The following XYLT1 variants were observed in gnomAD, a reference collection of about 807,000 sequenced individuals.
XYLT1 encodes the protein xylosyltransferase 1, also known as beta-D-xylosyltransferase 1.
Under a neutral mutation model 91.3 loss-of-function variants are expected in XYLT1, and 36 were observed. That is an observed-to-expected ratio of 0.39 (90% CI 0.30 to 0.52). The LOEUF is 0.52. Among genes scored for constraint, XYLT1 ranks in the 20% least tolerant of loss-of-function variants. The probability of loss-of-function intolerance (pLI) is 0.68; values close to 1 mark genes in which losing one functional copy is unlikely to be tolerated. For synonymous variants in XYLT1, 588 were observed against 532.0 expected (o/e 1.11, Z -1.45); for missense variants, 1,242 against 1,284.5 (o/e 0.97, Z 0.51).
chr16:17,187,791 T>TA lies in XYLT1; in HGVS notation c.1289+10420dup, dbSNP rs903427689. Among the ~76,000 whole-genome samples, 37 of 150,914 alleles carry TA rather than the reference T, an allele frequency of 2.5e-4. No individual in the cohort carries two copies. In the South Asian group the frequency reaches 4.6e-3, roughly 19 times the overall value. ...TCATTCTCACCATATTTTATCACTT[T>TA]AAAAAAAAAGAACAAAAGACAAAGA... On this transcript the variant is annotated intron_variant, in intron 5 of 11. Transcript: ENST00000261381.
chr16:17,425,090 C>T (rs62030325), intron 1 of XYLT1, among the ~76,000 whole-genome samples: 8,218 of 152,222 alleles, frequency 0.054, 298 homozygotes, highest in Middle Eastern at 0.12. Context: ...TCCCTGCAGT[C>T]TTGGGGACGG....
In XYLT1 at chr16:17,198,338, A is replaced by G. The variant is rs376062067; in HGVS notation, c.1163T>C (p.Met388Thr). The G allele has an allele frequency of 1.5e-5, 24 of 1,614,094 alleles. No individual in the cohort carries two copies. The highest frequency in any genetic ancestry group is 1.9e-5 in the Non-Finnish European group (23 of 1,180,030). ...YSNVRVTPWR[M>T]ATIWGGASLL... ...GCTGGCTCCTCCCCAGATGGTGGCC[A>G]TTCTCCAGGGGGTGACGCGGACATT... The change falls in exon 5 of 12, where the codon ATG becomes ACG. Residue 388 changes from methionine to threonine, a missense_variant. By Grantham distance (81) the Met-to-Thr change is moderately conservative. This residue lies in a region of XYLT1 where 294 missense variants were observed against 376.0 expected (regional missense o/e 0.78). Transcript: ENST00000261381.
chr16:17,371,886 G>A (rs873792), intron 1 of XYLT1, among the ~76,000 whole-genome samples: 32,538 of 152,198 alleles, frequency 0.21, 5,075 homozygotes, highest in African/African-American at 0.44. Flanking sequence ...ACATATGTGA[G>A]CATCCACATG....
chr16:17,437,930 C>T (rs1364046250), intron 1 of XYLT1, among the ~76,000 whole-genome samples: 1 of 152,164 alleles, frequency 6.6e-6, no homozygotes, highest in Non-Finnish European at 1.5e-5. Flanking sequence ...ATCATACATA[C>T]TTACCAACAG....
chr16:17,114,681 T>C (rs1236030101), intron 11 of XYLT1, among the ~76,000 whole-genome samples: 1 of 152,180 alleles, frequency 6.6e-6, no homozygotes, highest in East Asian at 1.9e-4. Flanking sequence ...TCCAGAACTC[T>C]TCAAAGCTAA....
chr16:17,367,184 G>T (rs1376483974), intron 1 of XYLT1, among the ~76,000 whole-genome samples: 1 of 152,180 alleles, frequency 6.6e-6, no homozygotes, highest in Non-Finnish European at 1.5e-5. Flanking sequence ...GTTCCTCTTA[G>T]AAGACAATTG....
At chr16:17,295,363 T>G (rs1341018408) in intron 2 of XYLT1, among the ~76,000 whole-genome samples, 3 of 151,946 alleles carry the variant, frequency 2.0e-5, no homozygotes, top group African/African-American at 7.3e-5. Context: ...TTTTGTTTTG[T>G]TTTGTTTTTG....
intron 6 of XYLT1, among the ~76,000 whole-genome samples, chr16:17,149,764 G>T (rs2031237290): frequency 6.6e-6 from 1 of 152,170 alleles, no homozygotes; most frequent in African/African-American, 2.4e-5. Flanking sequence ...CCCAAGTCTT[G>T]TGTCTTCTAC....
chr16:17,127,272 G>A (rs569527798), intron 10 of XYLT1, among the ~76,000 whole-genome samples: 1 of 152,264 alleles, frequency 6.6e-6, no homozygotes, highest in South Asian at 2.1e-4. Flanking sequence ...AGGATTTGTG[G>A]CCAAAGAGAC....
intron 2 of XYLT1, among the ~76,000 whole-genome samples, chr16:17,277,578 C>CG (rs2033996660): frequency 6.6e-6 from 1 of 152,002 alleles, no homozygotes; most frequent in Admixed American, 6.6e-5. Flanking sequence ...TTAGTAGAGA[C>CG]GGGGTTTCAC....
chr16:17,318,824 C>G (rs944743182), intron 2 of XYLT1, among the ~76,000 whole-genome samples: 1 of 147,242 alleles, frequency 6.8e-6, no homozygotes, highest in Non-Finnish European at 1.5e-5. Flanking sequence ...GAGTCTAACT[C>G]TCGCCCAGGC....
chr16:17,410,145 T>A (rs529795137), intron 1 of XYLT1, among the ~76,000 whole-genome samples: 2 of 152,320 alleles, frequency 1.3e-5, no homozygotes, highest in East Asian at 3.9e-4. Flanking sequence ...GAATGGATTC[T>A]GTACCAGGCT....
At chr16:17,308,374 G>A (rs1213508643) in intron 2 of XYLT1, among the ~76,000 whole-genome samples, 1 of 152,224 alleles carries the variant, frequency 6.6e-6, no homozygotes, top group African/African-American at 2.4e-5. Context: ...GAGAAGTGCT[G>A]AGATGATTAA....
At chr16:17,138,615 C>T in intron 7 of XYLT1, 84 bp from the exon 8 acceptor site, 1 of 1,511,172 alleles carries the variant, frequency 6.6e-7, no homozygotes, top group South Asian at 1.2e-5. Context: ...AACCCTTGCT[C>T]TGAGTTCATG....
intron 3 of XYLT1, among the ~76,000 whole-genome samples, chr16:17,228,252 T>C (rs1339967462): frequency 6.6e-6 from 1 of 152,202 alleles, no homozygotes; most frequent in East Asian, 1.9e-4. Flanking sequence ...CATTCCCGAT[T>C]GACAGGATTA....
chr16:17,434,882 AAAG>A (rs939448957), intron 1 of XYLT1, among the ~76,000 whole-genome samples: 94 of 152,210 alleles, frequency 6.2e-4, no homozygotes, highest in African/African-American at 1.7e-3. Context: ...AAAAAAAAAA[AAAG>A]AAGAAGAAGA....
intron 7 of XYLT1, among the ~76,000 whole-genome samples, chr16:17,140,802 A>G (rs1024554135): frequency 8.5e-5 from 13 of 152,176 alleles, no homozygotes; most frequent in Non-Finnish European, 1.6e-4. Flanking sequence ...GGTTTTTTAA[A>G]TAACAGTTTT....
chr16:17,252,039 C>T (rs1017263853), intron 3 of XYLT1, among the ~76,000 whole-genome samples: 5 of 152,196 alleles, frequency 3.3e-5, no homozygotes, highest in Admixed American at 2.0e-4. Flanking sequence ...AAACCCTTTT[C>T]CTCTCCTCTC....
chr16:17,456,040 G>A (rs1298872006), intron 1 of XYLT1, among the ~76,000 whole-genome samples: 4 of 152,072 alleles, frequency 2.6e-5, no homozygotes, highest in Admixed American at 2.0e-4. Context: ...AAAATATTAC[G>A]TGTCAGGTGC....
Sources: allele counts gnomAD v4.1 joint callset (sites outside exome capture counted in the v4.1 genomes callset), GRCh38; gene constraint gnomAD v4.1.1; regional missense constraint gnomAD v4.1.1; transcripts MANE v1.5; gene names NCBI Gene and HGNC (gene_info 2026-07-23, HGNC 2026-07-21).